ARHGAP33: variants seen among roughly 807,000 people sequenced by gnomAD.
The protein encoded by ARHGAP33 is Rho GTPase activating protein 33, also known as rho GTPase-activating protein 33.
A neutral mutation model predicts 126.2 loss-of-function variants in ARHGAP33; 57 were observed. The observed-to-expected ratio is 0.45, with a 90% CI of 0.36 to 0.56. The LOEUF is 0.56. ARHGAP33 is among the 20% of genes least tolerant of loss of function. The pLI is 0.00. For missense variants in ARHGAP33, 1,500 were observed against 1,748.3 expected, an observed-to-expected ratio of 0.86 and a Z score of 2.53; for synonymous variants, 711 against 755.0, an observed-to-expected ratio of 0.94 and a Z score of 0.95.
At chr19:35,779,608 C>G (rs1971641900) in intron 6 of ARHGAP33, among the ~76,000 whole-genome samples, 1 of 150,046 alleles carries the variant, frequency 6.7e-6, no homozygotes, top group African/African-American at 2.5e-5. Flanking sequence ...TTTATATTTT[C>G]AGTAGAGACT....
intron 4 of ARHGAP33, 21 bp from the exon 5 acceptor site, chr19:35,778,443 T>A (rs774164767): frequency 1.1e-5 from 18 of 1,614,050 alleles, no homozygotes; most frequent in African/African-American, 2.7e-5. Context: ...CCTGCTCCCT[T>A]CTGTCCCTCT....
At chr19:35,780,044 G>A (rs1971668898) in intron 6 of ARHGAP33, 167 bp from the exon 7 acceptor site, 2 of 965,158 alleles carry the variant, frequency 2.1e-6, no homozygotes, top group Non-Finnish European at 1.6e-6. Flanking sequence ...GAGGGTGCCA[G>A]GGCTGCATCC....
chr19:35,775,751 C>T, intron 1 of ARHGAP33, 87 bp downstream of exon 1: 1 of 1,304,878 alleles, frequency 7.7e-7, no homozygotes, highest in Non-Finnish European at 1.0e-6. Flanking sequence ...CGCCCCCGGC[C>T]CCGCCCGATC....
At chr19:35,780,727 A>G in intron 9 of ARHGAP33, 30 bp from the exon 10 acceptor site, 2 of 1,613,296 alleles carry the variant, frequency 1.2e-6, no homozygotes, top group African/African-American at 1.3e-5. Context: ...CCTCCCACTC[A>G]TCCCTTCCAC....
chr19:35,782,241 G>T lies in ARHGAP33; in HGVS notation c.1086-132G>T. 1.0e-6 allele frequency: 1 copy of T among 1,001,090 alleles called. No individual in the cohort carries two copies. Among genetic ancestry groups the T allele is most frequent in the Non-Finnish European group, 1.5e-6 (1 of 674,064 alleles). The allele number at this position is 1,001,090 out of a possible 1,614,324, so 62.0% of individuals were successfully genotyped here. A position where few individuals can be genotyped will look rare whatever the true frequency, so the allele number is the denominator to read the frequency against. On this transcript the variant is annotated intron_variant, in intron 12 of 20. Transcript: ENST00000007510. The surrounding 1 kb of genome is among the most constrained non-coding windows in gnomAD (Gnocchi z 4.1). Reference sequence around the variant, plus strand: ...TTCAGTAAGGTTCTGCCTCTGAAGAGCCCAGTGTAGGACCTGGGGAAGAGG... The same window carrying T: ...TTCAGTAAGGTTCTGCCTCTGAAGATCCCAGTGTAGGACCTGGGGAAGAGG...
Position 35,780,487 on chromosome 19 carries a change from C to G in ARHGAP33, c.691C>G (p.Arg231Gly). ...TEDRSWWRGK[R>G]GFQVGFFPSE... ...GGATCGGAGCTGGTGGCGGGGCAAGCGAGGCTTCCAGGTGAGTCCAGCTGG... is the reference window on the plus strand; with the variant it reads ...GGATCGGAGCTGGTGGCGGGGCAAGGGAGGCTTCCAGGTGAGTCCAGCTGG... Residue 231 changes from arginine to glycine, a missense_variant, in exon 8 of 21, where the codon CGA becomes GGA. By Grantham distance (125) the Arg-to-Gly change is moderately radical. This residue lies in a region of ARHGAP33 where 281 missense variants were observed against 413.7 expected (regional missense o/e 0.68). Transcript: ENST00000007510. 1 of 1,603,296 alleles carries G rather than the reference C, an allele frequency of 6.2e-7. No homozygotes were observed. The highest frequency in any genetic ancestry group is 8.5e-7 in the Non-Finnish European group (1 of 1,172,904).
chr19:35,784,839 T>C, intron 16 of ARHGAP33, 114 bp from the exon 17 acceptor site: 6 of 1,398,682 alleles, frequency 4.3e-6, no homozygotes, highest in Non-Finnish European at 5.5e-6. Flanking sequence ...CCCCCTGCCT[T>C]GCCAGCCCGG....
At position 35,782,644 on chromosome 19, in the gene ARHGAP33, C is replaced by T. The variant is rs976482095; in HGVS notation, c.1278C>T (p.His426=). The T allele has an allele frequency of 5.6e-6, 9 of 1,613,310 alleles. No homozygotes were observed. The African/African-American group carries it at 6.7e-5, about 12-fold the overall frequency. Residue 426 remains histidine (H), a synonymous_variant, in exon 14 of 21, where the codon CAC becomes CAT. Transcript: ENST00000007510. This position sits in a 1 kb window ranked among gnomAD's most constrained non-coding sequence, Gnocchi z 4.1. ...AGGAGGAGCGTCTGGTGCGGGTGCA[C>T]GATGTCATCCAGCAGCTGCCCCCAC... The part of the protein sequence containing the change: ...PGEEERLVRV[H]DVIQQLPPPH...
At position 35,786,333 on chromosome 19, in the gene ARHGAP33, T is replaced by G; in HGVS notation, c.1943-80T>G. 6.9e-7 allele frequency: 1 copy of G among 1,454,688 alleles called. No individual in the cohort carries two copies. Among genetic ancestry groups the G allele is most frequent in the Non-Finnish European group, 9.0e-7 (1 of 1,107,602 alleles). The allele number at this position is 1,454,688 out of a possible 1,614,324, so 90.1% of individuals were successfully genotyped here. ...ACTGTGGCCCTCTCCAGGAGGCGCCTCTTCATGTCCTTTCCCCAGCTTTCT... is the reference window on the plus strand; with the variant it reads ...ACTGTGGCCCTCTCCAGGAGGCGCCGCTTCATGTCCTTTCCCCAGCTTTCT... On this transcript the variant is annotated intron_variant, in intron 19 of 20. Coordinates refer to ENST00000007510, the MANE Select transcript of ARHGAP33 (RefSeq NM_001366178.1). The surrounding 1 kb of genome is among the most constrained non-coding windows in gnomAD (Gnocchi z 7.0).
Position 35,786,277 on chromosome 19 carries a change from C to G in ARHGAP33, c.1943-136C>G. Reference sequence around the variant, plus strand: ...GTGTCCTCTTCATGGTCTCCACTGTCAATCTGAACAGCTCTTCCTGGCTTC... The same window carrying G: ...GTGTCCTCTTCATGGTCTCCACTGTGAATCTGAACAGCTCTTCCTGGCTTC... On this transcript the variant is annotated intron_variant, in intron 19 of 20. Transcript: ENST00000007510. The surrounding 1 kb of genome is among the most constrained non-coding windows in gnomAD (Gnocchi z 7.0). 2.8e-6 allele frequency: 4 copies of G among 1,432,436 alleles called. No individual in the cohort carries two copies. The highest frequency in any genetic ancestry group is 3.6e-6 in the Non-Finnish European group (4 of 1,097,764). The allele number at this position is 1,432,436 out of a possible 1,614,324, so 88.7% of individuals were successfully genotyped here.
At position 35,782,235 on chromosome 19, in the gene ARHGAP33, T is replaced by C; in HGVS notation, c.1086-138T>C. On this transcript the variant is annotated intron_variant, in intron 12 of 20. Coordinates refer to ENST00000007510, the MANE Select transcript of ARHGAP33 (RefSeq NM_001366178.1). The surrounding 1 kb of genome is among the most constrained non-coding windows in gnomAD (Gnocchi z 4.1). ...GGGGAGTTCAGTAAGGTTCTGCCTC[T>C]GAAGAGCCCAGTGTAGGACCTGGGG... 1 of 956,114 alleles carries C rather than the reference T, an allele frequency of 1.0e-6. No individual in the cohort carries two copies. Among genetic ancestry groups the C allele is most frequent in the South Asian group, 1.6e-5 (1 of 62,340 alleles). 59.2% of individuals were successfully genotyped at this position (956,114 alleles called of 1,614,324 possible).
chr19:35,783,531 G>T (rs922817447), intron 15 of ARHGAP33, among the ~76,000 whole-genome samples: 6 of 152,206 alleles, frequency 3.9e-5, no homozygotes, highest in Non-Finnish European at 8.8e-5. Context: ...CAGGCTGAGG[G>T]AACGGCAGGT....
intron 6 of ARHGAP33, 187 bp downstream of exon 6, chr19:35,779,311 CGTGT>C (rs1291235182): frequency 1.7e-6 from 1 of 574,656 alleles, no homozygotes; most frequent in Admixed American, 3.2e-5. Flanking sequence ...TGTGTGTGCA[CGTGT>C]GTGTGTTAGC....
rs1366597593 is a variant in ARHGAP33 at position 35,780,441 on chromosome 19, G to A, written c.645G>A (p.Val215=). The A allele has an allele frequency of 6.3e-7, 1 of 1,597,416 alleles. No individual in the cohort carries two copies. Among genetic ancestry groups the A allele is most frequent in the Admixed American group, 1.7e-5 (1 of 58,852 alleles). ...LSFEVGDIVS[V]IDMPPTEDRS... is the part of the protein sequence containing the mutation. Reference sequence around the variant, plus strand: ...CCCAGGTGGGAGACATTGTCTCGGTGATCGACATGCCACCCACAGAGGATC... The same window carrying A: ...CCCAGGTGGGAGACATTGTCTCGGTAATCGACATGCCACCCACAGAGGATC... Residue 215 remains valine (V), a synonymous_variant, in exon 8 of 21, where the codon GTG becomes GTA. Coordinates refer to ENST00000007510, the MANE Select transcript of ARHGAP33 (RefSeq NM_001366178.1).
At position 35,780,637 on chromosome 19, in the gene ARHGAP33, G is replaced by A; in HGVS notation, c.758G>A (p.Gly253Asp). The A allele has an allele frequency of 6.2e-7, 1 of 1,601,802 alleles. No homozygotes were observed. The highest frequency in any genetic ancestry group is 8.5e-7 in the Non-Finnish European group (1 of 1,174,484). Reference sequence around the variant, plus strand: ...CTCTTCACAGAGCGGCCAGGTCCGGGCCTGAAGGCGGGTAAGTGCCATGGA... The same window carrying A: ...CTCTTCACAGAGCGGCCAGGTCCGGACCTGAAGGCGGGTAAGTGCCATGGA... ...VELFTERPGP[G>D]LKADADGPPC... is the part of the protein sequence containing the mutation. Residue 253 changes from glycine (G) to aspartate (D), a missense_variant, in exon 9 of 21, where the codon GGC becomes GAC. Around this residue, in one of 6 missense-constraint regions of ARHGAP33, gnomAD observed 281 missense variants for 413.7 expected, o/e 0.68. Coordinates refer to ENST00000007510, the MANE Select transcript of ARHGAP33 (RefSeq NM_001366178.1).
chr19:35,778,412 T>A (rs369008398), intron 4 of ARHGAP33, 52 bp downstream of exon 4: 2 of 1,614,140 alleles, frequency 1.2e-6, no homozygotes, highest in Non-Finnish European at 1.7e-6. Flanking sequence ...ACTGTAGTCC[T>A]CAGCTCGGTG....
At chr19:35,776,478 G>T (rs1971467238) in intron 1 of ARHGAP33, among the ~76,000 whole-genome samples, 1 of 152,294 alleles carries the variant, frequency 6.6e-6, no homozygotes, top group Non-Finnish European at 1.5e-5. Flanking sequence ...GAGGGGGACA[G>T]ACCCTGAGGG....
In ARHGAP33 at chr19:35,787,849, C is replaced by T. The variant is rs752660770; in HGVS notation, c.3284C>T (p.Ser1095Phe). The T allele has an allele frequency of 3.1e-6, 5 of 1,607,902 alleles. No individual in the cohort carries two copies. Among genetic ancestry groups the T allele is most frequent in the Non-Finnish European group, 4.2e-6 (5 of 1,177,348 alleles). The change falls in exon 21 of 21, where the codon TCC (serine) becomes TTC (phenylalanine). Residue 1095 changes from serine to phenylalanine, a missense_variant. Physicochemically the swap from Ser to Phe is radical, Grantham distance 155. Coordinates refer to ENST00000007510, the MANE Select transcript of ARHGAP33 (RefSeq NM_001366178.1). ...LYYEIGASEG[S>F]PYSGPTRSWS... is the part of the protein sequence containing the mutation. Reference sequence around the variant, plus strand: ...TATGAGATCGGGGCAAGTGAGGGGTCCCCCTATTCTGGCCCCACCCGCTCC... The same window carrying T: ...TATGAGATCGGGGCAAGTGAGGGGTTCCCCTATTCTGGCCCCACCCGCTCC...
Position 35,786,332 on chromosome 19 carries a change from C to G in ARHGAP33, c.1943-81C>G. 1 of 1,454,640 alleles carries G rather than the reference C, an allele frequency of 6.9e-7. No homozygotes were observed. Among genetic ancestry groups the G allele is most frequent in the Non-Finnish European group, 9.0e-7 (1 of 1,107,628 alleles). The allele number at this position is 1,454,640 out of a possible 1,614,324, so 90.1% of individuals were successfully genotyped here. A position where few individuals can be genotyped will look rare whatever the true frequency, so the allele number is the denominator to read the frequency against. On this transcript the variant is annotated intron_variant, in intron 19 of 20. Coordinates refer to ENST00000007510, the MANE Select transcript of ARHGAP33 (RefSeq NM_001366178.1). This position sits in a 1 kb window ranked among gnomAD's most constrained non-coding sequence, Gnocchi z 7.0. The stretch of plus-strand genomic sequence containing the variant: ...TACTGTGGCCCTCTCCAGGAGGCGC[C>G]TCTTCATGTCCTTTCCCCAGCTTTC...
Sources: allele counts gnomAD v4.1 joint callset (sites outside exome capture counted in the v4.1 genomes callset), GRCh38; gene constraint gnomAD v4.1.1; regional missense constraint gnomAD v4.1.1; non-coding constraint Gnocchi (gnomAD v3.1); transcripts MANE v1.5; gene names NCBI Gene and HGNC (gene_info 2026-07-23, HGNC 2026-07-21).